The following IFIT1B variants were observed in gnomAD, a reference collection of about 807,000 sequenced individuals.
IFIT1B encodes the protein interferon induced protein with tetratricopeptide repeats 1B.
In IFIT1B, 3 loss-of-function variants were observed where a neutral mutation model predicts 2.5. The ratio of observed to expected loss-of-function variants is 1.21; its 90% CI spans 0.55 to 3.14. The LOEUF is 3.14. IFIT1B is among the 30% of genes most tolerant of loss of function. The pLI, the probability that IFIT1B is intolerant of heterozygous loss-of-function variation, is 0.03. For missense variants in IFIT1B, 545 were observed against 556.5 expected (o/e 0.98, Z 0.21); for synonymous variants, 196 against 203.0 (o/e 0.97, Z 0.29).
chr10:89,384,060 A>G lies in IFIT1B; in HGVS notation c.747A>G (p.Ser249=). Reference sequence around the variant, plus strand: ...AAGAAGCTCTGACCAGTATATCTTCACAGGCCTATGTCTTTCAATATGCAG... The same window carrying G: ...AAGAAGCTCTGACCAGTATATCTTCGCAGGCCTATGTCTTTCAATATGCAG... ...YIEEALTSIS[S]QAYVFQYAAK... is the part of the protein sequence containing the mutation. Residue 249 remains serine (S), a synonymous_variant, in exon 2 of 2, where the codon TCA becomes TCG. Transcript: ENST00000371809. The G allele has an allele frequency of 6.2e-7, 1 of 1,614,232 alleles. No individual in the cohort carries two copies. The highest frequency in any genetic ancestry group is 1.1e-5 in the South Asian group (1 of 91,082).
rs1487950880 is a variant in IFIT1B at position 89,384,287 on chromosome 10, C to T, written c.974C>T (p.Ala325Val). The T allele has an allele frequency of 1.2e-6, 2 of 1,614,140 alleles. No homozygotes were observed. The highest frequency in any genetic ancestry group is 2.2e-5 in the East Asian group (1 of 44,884). ...ACTGTGGACAGATTGGTTCAATTGGCTATATGCAAATTTGAAAAGACTATA... is the reference window on the plus strand; with the variant it reads ...ACTGTGGACAGATTGGTTCAATTGGTTATATGCAAATTTGAAAAGACTATA... The part of the protein sequence containing the change: ...RETVDRLVQL[A>V]ICKFEKTIML... The change falls in exon 2 of 2, where the codon GCT (alanine) becomes GTT (valine). Residue 325 changes from alanine (A) to valine (V), a missense_variant. Physicochemically the swap from Ala to Val is moderately conservative, Grantham distance 64 (BLOSUM62 0). Transcript: ENST00000371809.
In IFIT1B at chr10:89,383,789, G is replaced by A. The variant is rs772157106; in HGVS notation, c.476G>A (p.Arg159Gln). 2.8e-5 allele frequency: 45 copies of A among 1,614,054 alleles called. No individual in the cohort carries two copies. The highest frequency in any genetic ancestry group is 6.7e-5 in the Admixed American group (4 of 60,008). ...LAKCGGKNYE[R>Q]AKTCFEKALE... Reference sequence around the variant, plus strand: ...AAGTGTGGTGGAAAGAATTATGAACGGGCCAAGACCTGCTTTGAAAAGGCT... The same window carrying A: ...AAGTGTGGTGGAAAGAATTATGAACAGGCCAAGACCTGCTTTGAAAAGGCT... Residue 159 changes from arginine to glutamine, a missense_variant, in exon 2 of 2, where the codon CGG (arginine) becomes CAG (glutamine). Arg to Gln is a conservative substitution (Grantham distance 43, BLOSUM62 1). Transcript: ENST00000371809.
intron 1 of IFIT1B, among the ~76,000 whole-genome samples, chr10:89,382,127 T>C (rs1185816847): frequency 6.6e-6 from 1 of 152,108 alleles, no homozygotes; most frequent in Non-Finnish European, 1.5e-5. Context: ...CCATTTTTTG[T>C]GATTAGATTA....
chr10:89,384,029 A>G lies in IFIT1B; in HGVS notation c.716A>G (p.Tyr239Cys). ...DEGQEAEGEKYIEEALTSISS... is the reference protein window; with the variant it reads ...DEGQEAEGEKCIEEALTSISS... The stretch of plus-strand genomic sequence containing the variant: ...GGACAGGAAGCTGAAGGAGAAAAGT[A>G]CATTGAAGAAGCTCTGACCAGTATA... The change falls in exon 2 of 2, where the codon TAC becomes TGC. Residue 239 changes from tyrosine (Y) to cysteine (C), a missense_variant. Coordinates refer to ENST00000371809, the MANE Select transcript of IFIT1B (RefSeq NM_001010987.2). 6.2e-7 allele frequency: 1 copy of G among 1,614,250 alleles called. No homozygotes were observed. Among genetic ancestry groups the G allele is most frequent in the African/African-American group, 1.3e-5 (1 of 75,072 alleles).
chr10:89,384,078 A>G lies in IFIT1B; in HGVS notation c.765A>G (p.Gln255=). ...TSISSQAYVF[Q]YAAKFYRRKG... ...TATCTTCACAGGCCTATGTCTTTCA[A>G]TATGCAGCCAAGTTTTATCGAAGAA... Residue 255 remains glutamine (Q), a synonymous_variant, in exon 2 of 2, where the codon CAA becomes CAG. Transcript: ENST00000371809. 1 of 1,614,208 alleles carries G rather than the reference A, an allele frequency of 6.2e-7. No individual in the cohort carries two copies. Among genetic ancestry groups the G allele is most frequent in the African/African-American group, 1.3e-5 (1 of 75,046 alleles).
intron 1 of IFIT1B, among the ~76,000 whole-genome samples, chr10:89,381,050 A>G (rs970811529): frequency 3.3e-5 from 5 of 152,170 alleles, no homozygotes; most frequent in African/African-American, 1.2e-4. Flanking sequence ...CTATCAATGC[A>G]TGGCCATGAT....
At position 89,383,668 on chromosome 10, in the gene IFIT1B, G is replaced by A; in HGVS notation, c.355G>A (p.Asp119Asn). The A allele has an allele frequency of 6.2e-7, 1 of 1,614,244 alleles. No homozygotes were observed. The highest frequency in any genetic ancestry group is 8.5e-7 in the Non-Finnish European group (1 of 1,180,048). Reference protein sequence around the residue: ...GRLAEAQTYLDKVENTCKKFA... With the variant: ...GRLAEAQTYLNKVENTCKKFA... ...ATTGGCAGAAGCCCAGACTTACCTG[G>A]ACAAGGTGGAGAACACTTGCAAGAA... The change falls in exon 2 of 2, where the codon GAC becomes AAC. Residue 119 changes from aspartate (D) to asparagine (N), a missense_variant. By Grantham distance (23) the Asp-to-Asn change is conservative (BLOSUM62 1). Coordinates refer to ENST00000371809, the MANE Select transcript of IFIT1B (RefSeq NM_001010987.2).
At chr10:89,381,638 C>T (rs897882010) in intron 1 of IFIT1B, among the ~76,000 whole-genome samples, 1 of 152,144 alleles carries the variant, frequency 6.6e-6, no homozygotes, top group Non-Finnish European at 1.5e-5. Flanking sequence ...GATGGAGACT[C>T]TGAGGGAAAA....
In IFIT1B at chr10:89,385,047, T is replaced by C. The variant is rs1844200626; in HGVS notation, c.*309T>C. 4 of 242,808 alleles carry C rather than the reference T, an allele frequency of 1.6e-5. No homozygotes were observed. In the South Asian group the frequency reaches 4.1e-4, roughly 25 times the overall value. The allele number at this position is 242,808 out of a possible 1,614,324, so 15.0% of individuals were successfully genotyped here. Reference sequence around the variant, plus strand: ...GATCAAATTGCTATAACGTGTGTACTGACCTTATGTGGAAAATGCTGCAAC... The same window carrying C: ...GATCAAATTGCTATAACGTGTGTACCGACCTTATGTGGAAAATGCTGCAAC... On this transcript the variant is annotated 3_prime_UTR_variant, in exon 2 of 2. Transcript: ENST00000371809.
rs747628429 is a variant in IFIT1B, at chr10:89,384,293, G to A, written c.980G>A (p.Cys327Tyr). ...TVDRLVQLAI[C>Y]KFEKTIMLKR... is the part of the protein sequence containing the mutation. ...GACAGATTGGTTCAATTGGCTATAT[G>A]CAAATTTGAAAAGACTATAATGTTA... Residue 327 changes from cysteine to tyrosine, a missense_variant, in exon 2 of 2, where the codon TGC becomes TAC. Transcript: ENST00000371809. 56 of 1,614,034 alleles carry A rather than the reference G, an allele frequency of 3.5e-5. No homozygotes were observed. The highest frequency in any genetic ancestry group is 1.7e-6 in the Non-Finnish European group (2 of 1,180,030).
intron 1 of IFIT1B, 56 bp downstream of exon 1, chr10:89,378,196 ACTTTC>A: frequency 6.2e-7 from 1 of 1,604,852 alleles, no homozygotes; most frequent in Non-Finnish European, 8.5e-7. Context: ...AAATTCTAAA[ACTTTC>A]CTTAAGGGCC....
chr10:89,381,985 GT>G (rs907691658), intron 1 of IFIT1B, among the ~76,000 whole-genome samples: 6 of 152,122 alleles, frequency 3.9e-5, no homozygotes, highest in African/African-American at 1.2e-4. Flanking sequence ...GCCCAGGCTA[GT>G]TTTGAACTCC....
rs1844200294 is a variant in IFIT1B at position 89,385,011 on chromosome 10, A to C, written c.*273A>C. On this transcript the variant is annotated 3_prime_UTR_variant, in exon 2 of 2. Transcript: ENST00000371809. ...AAAGCAATCTTTCTTGGAACATAGC[A>C]AGTAGTAACCGATCAAATTGCTATA... 2 of 391,418 alleles carry C rather than the reference A, an allele frequency of 5.1e-6. No individual in the cohort carries two copies. Among genetic ancestry groups the C allele is most frequent in the Non-Finnish European group, 9.2e-6 (2 of 216,848 alleles). The allele number at this position is 391,418 out of a possible 1,614,324, so 24.2% of individuals were successfully genotyped here.
Position 89,383,326 on chromosome 10 carries a change from T to A in IFIT1B, c.13T>A (p.Ser5Thr), listed in dbSNP as rs1251100780. Residue 5 changes from serine to threonine, a missense_variant, in exon 2 of 2, where the codon TCT (serine) becomes ACT (threonine). Ser to Thr is a moderately conservative substitution (Grantham distance 58). Coordinates refer to ENST00000371809, the MANE Select transcript of IFIT1B (RefSeq NM_001010987.2). MSEE[S>T]DGKLIEDSLI... ...TGCTGCCTATTTTTACAGTGAAGAATCTGATGGAAAGCTTATTGAAGACAG... is the reference window on the plus strand; with the variant it reads ...TGCTGCCTATTTTTACAGTGAAGAAACTGATGGAAAGCTTATTGAAGACAG... 1.9e-6 allele frequency: 3 copies of A among 1,609,800 alleles called. No individual in the cohort carries two copies. In the South Asian group the frequency reaches 3.3e-5, roughly 18 times the overall value.
intron 1 of IFIT1B, among the ~76,000 whole-genome samples, chr10:89,381,846 C>T (rs1022875689): frequency 2.6e-5 from 4 of 152,060 alleles, no homozygotes; most frequent in African/African-American, 9.7e-5. Flanking sequence ...AGTGCAGTGG[C>T]ATGATCTCGG....
intron 1 of IFIT1B, 41 bp downstream of exon 1, chr10:89,378,181 C>T: frequency 6.2e-7 from 1 of 1,610,494 alleles, no homozygotes; most frequent in Non-Finnish European, 8.5e-7. Context: ...TTTCTGCACA[C>T]TTTGAAATTC....
In IFIT1B at chr10:89,383,779, A is replaced by G. The variant is rs762004870; in HGVS notation, c.466A>G (p.Asn156Asp). The stretch of plus-strand genomic sequence containing the variant: ...GGCCTTGGCGAAGTGTGGTGGAAAG[A>G]ATTATGAACGGGCCAAGACCTGCTT... Reference protein sequence around the residue: ...GWALAKCGGKNYERAKTCFEK... With the variant: ...GWALAKCGGKDYERAKTCFEK... The change falls in exon 2 of 2, where the codon AAT (asparagine) becomes GAT (aspartate). Residue 156 changes from asparagine to aspartate, a missense_variant. By Grantham distance (23) the Asn-to-Asp change is conservative (BLOSUM62 1). Coordinates refer to ENST00000371809, the MANE Select transcript of IFIT1B (RefSeq NM_001010987.2). 25 of 1,614,104 alleles carry G rather than the reference A, an allele frequency of 1.5e-5. No homozygotes were observed. Among genetic ancestry groups the G allele is most frequent in the Non-Finnish European group, 2.0e-5 (24 of 1,180,048 alleles).
Position 89,378,057 on chromosome 10 carries a change from G to C in IFIT1B, c.-79G>C. 2 of 1,516,392 alleles carry C rather than the reference G, an allele frequency of 1.3e-6. No individual in the cohort carries two copies. The highest frequency in any genetic ancestry group is 1.8e-6 in the Non-Finnish European group (2 of 1,091,882). The allele number at this position is 1,516,392 out of a possible 1,614,324, so 93.9% of individuals were successfully genotyped here. A position where few individuals can be genotyped will look rare whatever the true frequency, so the allele number is the denominator to read the frequency against. On this transcript the variant is annotated 5_prime_UTR_variant, in exon 1 of 2. Coordinates refer to ENST00000371809, the MANE Select transcript of IFIT1B (RefSeq NM_001010987.2). ...CACCATGCTTATCTGAGAAGCCCTA[G>C]AACTCTGTGGATGAACCTTGAAGGA...
At chr10:89,379,787 C>A (rs1049759236) in intron 1 of IFIT1B, among the ~76,000 whole-genome samples, 11 of 152,134 alleles carry the variant, frequency 7.2e-5, no homozygotes, top group Non-Finnish European at 1.5e-4. Flanking sequence ...GTAATCCCAG[C>A]ACTTTGGGAG....
Sources: gnomAD v4.1 joint callset for allele counts (sites outside exome capture counted in the v4.1 genomes callset) on GRCh38, gnomAD v4.1.1 for gene constraint, MANE v1.5 for transcripts, NCBI Gene and HGNC (gene_info 2026-07-23, HGNC 2026-07-21) for gene names.